KIAA1328: variants seen among roughly 807,000 people sequenced by gnomAD.
KIAA1328 encodes the protein KIAA1328.
Under a neutral mutation model 68.1 loss-of-function variants are expected in KIAA1328, and 52 were observed. The ratio of observed to expected loss-of-function variants is 0.76; its 90% CI spans 0.61 to 0.96. The LOEUF (loss-of-function observed/expected upper bound fraction) is 0.96, where lower values mean the gene tolerates loss of function less well. Among genes scored for constraint, KIAA1328 ranks in the 40% least tolerant of loss-of-function variants. The pLI is 0.00. For missense variants in KIAA1328, 641 were observed against 677.6 expected (o/e 0.95, Z 0.60); for synonymous variants, 232 against 239.4 (o/e 0.97, Z 0.28).
chr18:37,229,030 G>A (rs1247834), downstream of KIAA1328, among the ~76,000 whole-genome samples: 1 of 152,116 alleles, frequency 6.6e-6, no homozygotes, highest in Non-Finnish European at 1.5e-5. Flanking sequence ...GACTCCCTTT[G>A]TTGTGATATA....
At chr18:37,126,834 A>G (rs2058402391) in intron 7 of KIAA1328, among the ~76,000 whole-genome samples, 1 of 152,184 alleles carries the variant, frequency 6.6e-6, no homozygotes, top group African/African-American at 2.4e-5. Flanking sequence ...TCAGGCTAGA[A>G]GAGAAAAACC....
intron 1 of KIAA1328, among the ~76,000 whole-genome samples, chr18:36,829,766 G>T (rs1286235799): frequency 2.0e-5 from 3 of 152,184 alleles, no homozygotes; most frequent in African/African-American, 7.2e-5. Context: ...TGGTTACTGC[G>T]TAAGATGGGA....
At chr18:36,972,218 C>T (rs540519454) in intron 6 of KIAA1328, among the ~76,000 whole-genome samples, 9 of 152,186 alleles carry the variant, frequency 5.9e-5, no homozygotes, top group South Asian at 2.1e-4. Flanking sequence ...TGAACACATG[C>T]GAAAAGAAAT....
intron 6 of KIAA1328, among the ~76,000 whole-genome samples, chr18:36,988,039 A>G (rs1014381395): frequency 2.6e-5 from 4 of 152,114 alleles, no homozygotes; most frequent in Admixed American, 6.6e-5. Context: ...CAAATTGTAT[A>G]TTCCTGACAA....
chr18:37,020,709 G>T (rs1758933341), intron 6 of KIAA1328, among the ~76,000 whole-genome samples: 2 of 152,164 alleles, frequency 1.3e-5, no homozygotes, highest in South Asian at 4.1e-4. Flanking sequence ...TTGCTTTCCA[G>T]AAGGTGTATG....
At chr18:37,192,160 T>TG (rs2059918010) in intron 9 of KIAA1328, among the ~76,000 whole-genome samples, 1 of 151,308 alleles carries the variant, frequency 6.6e-6, no homozygotes, top group Non-Finnish European at 1.5e-5. Flanking sequence ...TGTGTGTGTG[T>TG]GTGTGTGTGT....
chr18:36,870,696 G>T lies in KIAA1328; in HGVS notation c.333-14861G>T, dbSNP rs142677777. On this transcript the variant is annotated intron_variant, in intron 4 of 9. Coordinates refer to ENST00000280020, the MANE Select transcript of KIAA1328 (RefSeq NM_020776.3). ...AAACTAAGAAATTAACATTGGTGCA[G>T]TATTATTAACTAAACTCATATCTCA... Among the ~76,000 whole-genome samples, 678 of 152,282 alleles carry T rather than the reference G, an allele frequency of 4.5e-3. 5 individuals are homozygous for T. Among genetic ancestry groups the T allele is most frequent in the African/African-American group, 0.016 (654 of 41,556 alleles).
Position 36,860,841 on chromosome 18 carries a change from A to G in KIAA1328, c.332+16539A>G, listed in dbSNP as rs192081285. On this transcript the variant is annotated intron_variant, in intron 4 of 9. Transcript: ENST00000280020. ...ATGGTTACAGAACTCTGTAAAATATACTAAAAGCCATTTAATTGGATATTC... is the reference window on the plus strand; with the variant it reads ...ATGGTTACAGAACTCTGTAAAATATGCTAAAAGCCATTTAATTGGATATTC... 3.9e-5 allele frequency among the ~76,000 whole-genome samples: 6 copies of G among 152,310 alleles called. No homozygotes were observed. In the East Asian group the frequency reaches 9.6e-4, roughly 24 times the overall value.
intron 4 of KIAA1328, among the ~76,000 whole-genome samples, chr18:36,873,638 G>T (rs929527890): frequency 3.3e-5 from 5 of 152,010 alleles, no homozygotes; most frequent in African/African-American, 1.2e-4. Context: ...TCCTTAATTT[G>T]CTTGTTTTAA....
intron 5 of KIAA1328, among the ~76,000 whole-genome samples, chr18:36,905,302 G>T (rs1176374382): frequency 6.6e-6 from 1 of 151,814 alleles, no homozygotes; most frequent in Admixed American, 6.6e-5. Flanking sequence ...TAGTAGAGAT[G>T]AGTTTCATCG....
intron 3 of KIAA1328, among the ~76,000 whole-genome samples, chr18:36,841,798 T>C (rs2046867758): frequency 6.6e-6 from 1 of 152,240 alleles, no homozygotes; most frequent in South Asian, 2.1e-4. Flanking sequence ...AGCCCTGTCC[T>C]ACAGTGTAAA....
rs567361250 is a variant in KIAA1328 at position 36,889,886 on chromosome 18, T to G, written c.448+4214T>G. Among the ~76,000 whole-genome samples the G allele has an allele frequency of 5.9e-5, 9 of 152,308 alleles. No homozygotes were observed. The South Asian group carries it at 1.9e-3, about 32-fold the overall frequency. On this transcript the variant is annotated intron_variant, in intron 5 of 9. Transcript: ENST00000280020. ...GCTGCTTAGTAGCCCAGTAGAAGAA[T>G]GAAATTGGTCTTTCCTCTGCTTTAT...
At chr18:37,013,491 C>T (rs920992187) in intron 6 of KIAA1328, among the ~76,000 whole-genome samples, 1 of 152,006 alleles carries the variant, frequency 6.6e-6, no homozygotes, top group Non-Finnish European at 1.5e-5. Context: ...CATACTTTGC[C>T]CATCCCCCTC....
chr18:36,939,588 T>C (rs887204945), intron 5 of KIAA1328, among the ~76,000 whole-genome samples: 1 of 152,170 alleles, frequency 6.6e-6, no homozygotes, highest in East Asian at 1.9e-4. Context: ...TTACTTTTTT[T>C]TCTTGTCTAA....
chr18:36,934,999 G>A (rs925898640), intron 5 of KIAA1328, among the ~76,000 whole-genome samples: 3 of 152,184 alleles, frequency 2.0e-5, no homozygotes, highest in Non-Finnish European at 2.9e-5. Context: ...CAGAGACCAC[G>A]TAATTCTTAC....
chr18:37,053,089 A>T (rs1568341127), intron 6 of KIAA1328, among the ~76,000 whole-genome samples: 1 of 152,240 alleles, frequency 6.6e-6, no homozygotes, highest in Non-Finnish European at 1.5e-5. Context: ...CTGATATGAA[A>T]CTATGCTACA....
chr18:37,107,723 CT>C (rs1418218354), intron 7 of KIAA1328, among the ~76,000 whole-genome samples: 2 of 152,148 alleles, frequency 1.3e-5, no homozygotes, highest in African/African-American at 4.8e-5. Context: ...TATCCTGAAA[CT>C]TTACTAAAGC....
chr18:37,120,554 C>T (rs1599344727), intron 7 of KIAA1328, among the ~76,000 whole-genome samples: 1 of 152,134 alleles, frequency 6.6e-6, no homozygotes, highest in East Asian at 1.9e-4. Flanking sequence ...GGTAAAGAAG[C>T]GCTGGATGGT....
At chr18:37,188,502 G>A (rs1310824605) in intron 9 of KIAA1328, among the ~76,000 whole-genome samples, 1 of 152,212 alleles carries the variant, frequency 6.6e-6, no homozygotes, top group African/African-American at 2.4e-5. Flanking sequence ...GAAACCACTA[G>A]AACAGTGGAA....
Sources: gnomAD v4.1 joint callset for allele counts (sites outside exome capture counted in the v4.1 genomes callset) on GRCh38, gnomAD v4.1.1 for gene constraint, MANE v1.5 for transcripts, NCBI Gene and HGNC (gene_info 2026-07-23, HGNC 2026-07-21) for gene names.